The following M1AP variants were observed in gnomAD, a reference collection of about 807,000 sequenced individuals.
The protein encoded by M1AP is meiosis 1 arrest protein.
A neutral mutation model predicts 51.2 loss-of-function variants in M1AP; 39 were observed. That is an observed-to-expected ratio of 0.76 (90% CI 0.59 to 1.00). The LOEUF is 1.00. Ranked by LOEUF, M1AP falls within the 50% of genes least tolerant of loss-of-function variation. M1AP has a pLI of 0.00. For missense variants in M1AP, 545 were observed against 641.2 expected (o/e 0.85, Z 1.62); for synonymous variants, 251 against 249.2 (o/e 1.01, Z -0.07).
chr2:74,643,373 A>G (rs1216277709), intron 1 of M1AP, among the ~76,000 whole-genome samples: 1 of 151,974 alleles, frequency 6.6e-6, no homozygotes, highest in Non-Finnish European at 1.5e-5. Context: ...AGCAAGACAC[A>G]AAGAATACAT....
At chr2:74,629,933 T>C (rs2104801011) in intron 2 of M1AP, among the ~76,000 whole-genome samples, 1 of 151,512 alleles carries the variant, frequency 6.6e-6, no homozygotes, top group African/African-American at 2.4e-5. Context: ...GGATAAGAGA[T>C]TCACAACTTT....
intron 2 of M1AP, among the ~76,000 whole-genome samples, chr2:74,620,387 C>G (rs1681933007): frequency 6.6e-6 from 1 of 152,214 alleles, no homozygotes; most frequent in East Asian, 1.9e-4. Context: ...AGAGGCAAGG[C>G]TGAGGCTGCA....
At chr2:74,597,871 A>C (rs116488653) in intron 4 of M1AP, among the ~76,000 whole-genome samples, 145 of 152,330 alleles carry the variant, frequency 9.5e-4, no homozygotes, top group African/African-American at 3.2e-3. Flanking sequence ...CATTCTTCAC[A>C]AAACTATTGT....
At chr2:74,620,696 A>G in intron 2 of M1AP, 1 of 216,316 alleles carries the variant, frequency 4.6e-6, no homozygotes, top group Non-Finnish European at 9.9e-6. Context: ...ACAGTTTTTT[A>G]TCTTTTGCTC....
At chr2:74,616,906 C>T (rs1366175371) in intron 2 of M1AP, among the ~76,000 whole-genome samples, 1 of 152,150 alleles carries the variant, frequency 6.6e-6, no homozygotes, top group African/African-American at 2.4e-5. Context: ...AATGACACAA[C>T]ATTCAGTATC....
At chr2:74,608,662 C>G (rs1257737253) in intron 3 of M1AP, among the ~76,000 whole-genome samples, 1 of 152,216 alleles carries the variant, frequency 6.6e-6, no homozygotes, top group Non-Finnish European at 1.5e-5. Context: ...AACCATCAAA[C>G]TATCTTTCAA....
intron 3 of M1AP, among the ~76,000 whole-genome samples, chr2:74,608,581 A>G (rs888450543): frequency 6.6e-6 from 1 of 152,080 alleles, no homozygotes; most frequent in African/African-American, 2.4e-5. Flanking sequence ...TAGGTTTTCA[A>G]CTCCTTTGGG....
At position 74,581,789 on chromosome 2, in the gene M1AP, G is replaced by A; in HGVS notation, c.654C>T (p.Ser218=). 6.2e-7 allele frequency: 1 copy of A among 1,614,010 alleles called. No homozygotes were observed. Among genetic ancestry groups the A allele is most frequent in the Non-Finnish European group, 8.5e-7 (1 of 1,179,880 alleles). Residue 218 remains serine, a synonymous_variant, in exon 5 of 11, where the codon AGC becomes AGT. Transcript: ENST00000421985. The stretch of plus-strand genomic sequence containing the variant: ...GCCAGGCTTTGAAGAAAATCTCCAT[G>A]CTGACGATATCATTGTCTATAGTCT... ...DLQTIDNDIV[S]MEIFFKAWLH...
intron 3 of M1AP, among the ~76,000 whole-genome samples, chr2:74,607,584 C>T (rs1343718040): frequency 6.6e-6 from 1 of 152,194 alleles, no homozygotes; most frequent in Non-Finnish European, 1.5e-5. Flanking sequence ...AGTGATTCTC[C>T]TGCCTCAGCC....
At chr2:74,590,042 G>T (rs1679949333) in intron 4 of M1AP, among the ~76,000 whole-genome samples, 1 of 152,212 alleles carries the variant, frequency 6.6e-6, no homozygotes, top group Non-Finnish European at 1.5e-5. Context: ...TGGGCTGCAT[G>T]CAGCCTGCGG....
intron 7 of M1AP, among the ~76,000 whole-genome samples, chr2:74,563,606 TA>T (rs750014043): frequency 0.017 from 951 of 54,662 alleles, 6 homozygotes; most frequent in African/African-American, 0.035. Flanking sequence ...TCTCAAAACA[TA>T]AAAAAAAAAA....
intron 7 of M1AP, among the ~76,000 whole-genome samples, chr2:74,563,218 TTAAA>T (rs1255536955): frequency 6.6e-6 from 1 of 151,762 alleles, no homozygotes; most frequent in Non-Finnish European, 1.5e-5. Flanking sequence ...CTACAAAAAA[TTAAA>T]TAAATAAAGA....
intron 3 of M1AP, among the ~76,000 whole-genome samples, chr2:74,612,823 G>A (rs1455934026): frequency 6.6e-6 from 1 of 152,088 alleles, no homozygotes; most frequent in Non-Finnish European, 1.5e-5. Context: ...TCTGTGGGTT[G>A]GTGTCTGACT....
intron 2 of M1AP, among the ~76,000 whole-genome samples, chr2:74,622,382 G>A (rs953100647): frequency 1.3e-5 from 2 of 151,952 alleles, no homozygotes; most frequent in East Asian, 3.9e-4. Context: ...GGGATTATAG[G>A]TGGCTGCCAC....
intron 1 of M1AP, among the ~76,000 whole-genome samples, chr2:74,644,259 G>T (rs1683468609): frequency 6.6e-6 from 1 of 152,170 alleles, no homozygotes. Flanking sequence ...ACATAGATAG[G>T]CCGGGCGCAG....
At chr2:74,624,678 G>A (rs1176970034) in intron 2 of M1AP, among the ~76,000 whole-genome samples, 1 of 152,126 alleles carries the variant, frequency 6.6e-6, no homozygotes, top group Non-Finnish European at 1.5e-5. Flanking sequence ...CATAGGGTTT[G>A]AAATTCAAAA....
intron 2 of M1AP, among the ~76,000 whole-genome samples, chr2:74,621,272 G>T (rs1225093397): frequency 6.7e-6 from 1 of 150,296 alleles, no homozygotes; most frequent in Non-Finnish European, 1.5e-5. Flanking sequence ...ACAGAGCGAG[G>T]CTCCGTCTCA....
intron 2 of M1AP, among the ~76,000 whole-genome samples, chr2:74,628,063 G>A (rs569266871): frequency 1.5e-4 from 23 of 152,038 alleles, no homozygotes; most frequent in Non-Finnish European, 2.6e-4. Flanking sequence ...ATGACCATGC[G>A]CATACCTATG....
At position 74,581,724 on chromosome 2, in the gene M1AP, A is replaced by C; in HGVS notation, c.719T>G (p.Leu240Arg). The C allele has an allele frequency of 6.2e-7, 1 of 1,614,136 alleles. No individual in the cohort carries two copies. Among genetic ancestry groups the C allele is most frequent in the Non-Finnish European group, 8.5e-7 (1 of 1,179,982 alleles). ...GTTGCTGAAACACTGTGAAGAAAGA[A>C]GAAGATGGATTTGTTCTTGGTCTGT... The part of the protein sequence containing the change: ...SGTDQEQIHL[L>R]LSSQCFSNIS... The change falls in exon 5 of 11, where the codon CTT becomes CGT. Residue 240 changes from leucine to arginine, a missense_variant. Transcript: ENST00000421985.
Sources: gnomAD v4.1 joint callset for allele counts (sites outside exome capture counted in the v4.1 genomes callset) on GRCh38, gnomAD v4.1.1 for gene constraint, MANE v1.5 for transcripts, NCBI Gene and HGNC (gene_info 2026-07-23, HGNC 2026-07-21) for gene names.